ABHD6: variants seen among roughly 807,000 people sequenced by gnomAD.
ABHD6 encodes monoacylglycerol lipase ABHD6.
In ABHD6, 33 loss-of-function variants were observed where a neutral mutation model predicts 38.8. The observed-to-expected ratio is 0.85, with a 90% CI of 0.64 to 1.14. ABHD6 has a LOEUF of 1.14. Ranked by LOEUF, ABHD6 falls within the 50% of genes most tolerant of loss-of-function variation. The pLI is 0.00. For synonymous variants in ABHD6, 147 were observed against 161.6 expected (o/e 0.91, Z 0.69); for missense variants, 380 against 422.6 (o/e 0.90, Z 0.88).
chr3:58,292,939 C>G (rs1329854380), intron 9 of ABHD6, among the ~76,000 whole-genome samples: 1 of 152,164 alleles, frequency 6.6e-6, no homozygotes. Context: ...ATACCCCCAG[C>G]TTGTGATAAT....
In ABHD6 at chr3:58,293,236, C is replaced by G. The variant is rs990414400; in HGVS notation, c.838-353C>G. 5.9e-5 allele frequency among the ~76,000 whole-genome samples: 9 copies of G among 152,178 alleles called. No individual in the cohort carries two copies. The highest frequency in any genetic ancestry group is 8.8e-5 in the Non-Finnish European group (6 of 68,040). ...ATGCTCCTCCCCTGTCCCCTTTCTGCTCTCCCGGGACTCAGGAACGAGGTC... is the reference window on the plus strand; with the variant it reads ...ATGCTCCTCCCCTGTCCCCTTTCTGGTCTCCCGGGACTCAGGAACGAGGTC... On this transcript the variant is annotated intron_variant, in intron 9 of 9. Coordinates refer to ENST00000478253, the MANE Select transcript of ABHD6 (RefSeq NM_001320126.2). The surrounding 1 kb of genome is among the most constrained non-coding windows in gnomAD (Gnocchi z 4.4).
rs1255162518 is a variant in ABHD6, at chr3:58,263,399, A to G, written c.120-3790A>G. Among the ~76,000 whole-genome samples, 1 of 152,124 alleles carries G rather than the reference A, an allele frequency of 6.6e-6. No homozygotes were observed. Among genetic ancestry groups the G allele is most frequent in the African/African-American group, 2.4e-5 (1 of 41,436 alleles). On this transcript the variant is annotated intron_variant, in intron 3 of 9. Coordinates refer to ENST00000478253, the MANE Select transcript of ABHD6 (RefSeq NM_001320126.2). The surrounding 1 kb of genome is among the most constrained non-coding windows in gnomAD (Gnocchi z 4.9). Reference sequence around the variant, plus strand: ...GAGTGAAACTCCATCTCAAAAAAAAAAAAAAAGAAAAAATATTAGTTTTCC... The same window carrying G: ...GAGTGAAACTCCATCTCAAAAAAAAGAAAAAAGAAAAAATATTAGTTTTCC...
intron 6 of ABHD6, among the ~76,000 whole-genome samples, chr3:58,271,766 GTTTT>G (rs3038091): frequency 1.7e-4 from 11 of 63,632 alleles, no homozygotes; most frequent in African/African-American, 7.1e-4. Context: ...CCCTCTCTCT[GTTTT>G]TTTTTTTTTT....
At chr3:58,260,583 A>G (rs1011365708) in intron 3 of ABHD6, among the ~76,000 whole-genome samples, 1 of 152,210 alleles carries the variant, frequency 6.6e-6, no homozygotes, top group Non-Finnish European at 1.5e-5. Context: ...AATGAGCAGC[A>G]TCACCATGAG....
rs145287131 is a variant in ABHD6 at position 58,249,160 on chromosome 3, G to A, written c.-90-718G>A. Among the ~76,000 whole-genome samples, 23 of 152,224 alleles carry A rather than the reference G, an allele frequency of 1.5e-4. No individual in the cohort carries two copies. In the East Asian group the frequency reaches 3.7e-3, roughly 24 times the overall value. Reference sequence around the variant, plus strand: ...TTTATGGTATCTCTTTCCATGTGGAGATTTAAAAACTTTTTTATGCAACTA... The same window carrying A: ...TTTATGGTATCTCTTTCCATGTGGAAATTTAAAAACTTTTTTATGCAACTA... On this transcript the variant is annotated intron_variant, in intron 1 of 9. Coordinates refer to ENST00000478253, the MANE Select transcript of ABHD6 (RefSeq NM_001320126.2).
In ABHD6 at chr3:58,294,260, C is replaced by T. The variant is rs75637466; in HGVS notation, c.*495C>T. 17,250 of 153,058 alleles carry T rather than the reference C, an allele frequency of 0.11. 1,241 individuals are homozygous for T. Among genetic ancestry groups the T allele is most frequent in the African/African-American group, 0.19 (7,936 of 41,478 alleles). The allele number at this position is 153,058 out of a possible 1,614,324, so 9.5% of individuals were successfully genotyped here. A position where few individuals can be genotyped will look rare whatever the true frequency, so the allele number is the denominator to read the frequency against. ...CATAGAGACCCATGTATGACTGCAGCCCATTGGCTGCAAGACCAGGGAGGA... is the reference window on the plus strand; with the variant it reads ...CATAGAGACCCATGTATGACTGCAGTCCATTGGCTGCAAGACCAGGGAGGA... On this transcript the variant is annotated 3_prime_UTR_variant, in exon 10 of 10. Transcript: ENST00000478253.
In ABHD6 at chr3:58,266,291, A is replaced by T. The variant is rs1161556470; in HGVS notation, c.120-898A>T. Among the ~76,000 whole-genome samples, 1 of 152,208 alleles carries T rather than the reference A, an allele frequency of 6.6e-6. No homozygotes were observed. Among genetic ancestry groups the T allele is most frequent in the Non-Finnish European group, 1.5e-5 (1 of 68,040 alleles). On this transcript the variant is annotated intron_variant, in intron 3 of 9. Transcript: ENST00000478253. The surrounding 1 kb of genome is among the most constrained non-coding windows in gnomAD (Gnocchi z 4.0). ...TGGCGAAACCCTGTCTCTACTAAAA[A>T]TACAAAAATTAGGCAGGCATGGTGG...
intron 7 of ABHD6, among the ~76,000 whole-genome samples, chr3:58,279,208 G>A (rs1372175013): frequency 6.6e-6 from 1 of 152,144 alleles, no homozygotes; most frequent in Non-Finnish European, 1.5e-5. Flanking sequence ...GGGTGTTAAA[G>A]TCTCCCATTA....
At position 58,265,210 on chromosome 3, in the gene ABHD6, T is replaced by C. The variant is rs990394304; in HGVS notation, c.120-1979T>C. Among the ~76,000 whole-genome samples the C allele has an allele frequency of 6.6e-6, 1 of 152,224 alleles. No homozygotes were observed. Among genetic ancestry groups the C allele is most frequent in the Non-Finnish European group, 1.5e-5 (1 of 68,034 alleles). Reference sequence around the variant, plus strand: ...ATAATGATCTCCAGTTCCATCCATGTTGGTGCACTATTCATATTTTTAATT... The same window carrying C: ...ATAATGATCTCCAGTTCCATCCATGCTGGTGCACTATTCATATTTTTAATT... On this transcript the variant is annotated intron_variant, in intron 3 of 9. Coordinates refer to ENST00000478253, the MANE Select transcript of ABHD6 (RefSeq NM_001320126.2). This position sits in a 1 kb window ranked among gnomAD's most constrained non-coding sequence, Gnocchi z 4.2.
rs1159597201 is a variant in ABHD6, at chr3:58,269,086, T to C, written c.277-235T>C. Among the ~76,000 whole-genome samples, 1 of 152,214 alleles carries C rather than the reference T, an allele frequency of 6.6e-6. No individual in the cohort carries two copies. The highest frequency in any genetic ancestry group is 1.9e-4 in the East Asian group (1 of 5,196). ...TGCTGCCCCGACTTTGTCCCCTTTTTACAGGCATCTCCTGAGCCTGCTTCC... is the reference window on the plus strand; with the variant it reads ...TGCTGCCCCGACTTTGTCCCCTTTTCACAGGCATCTCCTGAGCCTGCTTCC... On this transcript the variant is annotated intron_variant, in intron 4 of 9. Transcript: ENST00000478253. The surrounding 1 kb of genome is among the most constrained non-coding windows in gnomAD (Gnocchi z 4.4).
intron 7 of ABHD6, among the ~76,000 whole-genome samples, chr3:58,284,219 T>C (rs1481604726): frequency 6.6e-6 from 1 of 152,170 alleles, no homozygotes; most frequent in Non-Finnish European, 1.5e-5. Flanking sequence ...CCACATTGGC[T>C]GCAGCCCTCA....
intron 1 of ABHD6, among the ~76,000 whole-genome samples, chr3:58,239,987 C>CAA (rs542069109): frequency 0.06 from 7,797 of 129,376 alleles, 263 homozygotes; most frequent in Admixed American, 0.071. Flanking sequence ...CCATCTCTAC[C>CAA]AAAAAAAAAA....
chr3:58,290,113 G>A (rs1202503695), intron 9 of ABHD6, among the ~76,000 whole-genome samples: 11 of 119,706 alleles, frequency 9.2e-5, no homozygotes, highest in Non-Finnish European at 1.4e-4. Context: ...CAGTAGGGGC[G>A]GCCGGGCAGA....
intron 7 of ABHD6, among the ~76,000 whole-genome samples, chr3:58,280,475 T>C (rs1462900345): frequency 6.6e-6 from 1 of 152,226 alleles, no homozygotes; most frequent in African/African-American, 2.4e-5. Flanking sequence ...CTGTTTATTC[T>C]AGTTAGCCAT....
rs780384264 is a variant in ABHD6, at chr3:58,271,016, G to T, written c.475G>T (p.Ala159Ser). ...TGGCCAGGTGGCTGGGGTGTATGCT[G>T]CTTACTACCCATCGGATGTCTCCAG... The part of the protein sequence containing the change: ...MGGQVAGVYA[A>S]YYPSDVSSLC... The change falls in exon 6 of 10, where the codon GCT (alanine) becomes TCT (serine). Residue 159 changes from alanine to serine, a missense_variant. Coordinates refer to ENST00000478253, the MANE Select transcript of ABHD6 (RefSeq NM_001320126.2). The T allele has an allele frequency of 2.5e-6, 4 of 1,612,432 alleles. No homozygotes were observed. Among genetic ancestry groups the T allele is most frequent in the Non-Finnish European group, 3.4e-6 (4 of 1,179,564 alleles).
rs1391619939 is a variant in ABHD6, at chr3:58,266,374, G to A, written c.120-815G>A. ...CACAAGAATTGCTTGAACCCGGGAGGTGGAGGTTGCAGTGAGCGGAAATTG... is the reference window on the plus strand; with the variant it reads ...CACAAGAATTGCTTGAACCCGGGAGATGGAGGTTGCAGTGAGCGGAAATTG... On this transcript the variant is annotated intron_variant, in intron 3 of 9. Transcript: ENST00000478253. This position sits in a 1 kb window ranked among gnomAD's most constrained non-coding sequence, Gnocchi z 4.0. 6.6e-6 allele frequency among the ~76,000 whole-genome samples: 1 copy of A among 151,888 alleles called. No individual in the cohort carries two copies. Among genetic ancestry groups the A allele is most frequent in the Non-Finnish European group, 1.5e-5 (1 of 67,992 alleles).
chr3:58,257,871 T>G lies in ABHD6; in HGVS notation c.119+1166T>G, dbSNP rs146441775. 3.8e-4 allele frequency among the ~76,000 whole-genome samples: 58 copies of G among 152,298 alleles called. 1 individual carries two copies. The highest frequency in any genetic ancestry group is 1.4e-3 in the African/African-American group (58 of 41,564). On this transcript the variant is annotated intron_variant, in intron 3 of 9. Transcript: ENST00000478253. The surrounding 1 kb of genome is among the most constrained non-coding windows in gnomAD (Gnocchi z 4.8). ...TCTTGTACCACTGTTATTATTCTTG[T>G]CCTATCTGGATACCACCTGTCCTTT...
chr3:58,271,086 TCC>T, intron 6 of ABHD6, 22 bp downstream of exon 6: 1 of 1,576,254 alleles, frequency 6.3e-7, no homozygotes, highest in Non-Finnish European at 8.6e-7. Flanking sequence ...AGCTGAAACA[TCC>T]CTCGGCAGGG....
At position 58,265,539 on chromosome 3, in the gene ABHD6, A is replaced by T. The variant is rs1559776578; in HGVS notation, c.120-1650A>T. 6.6e-6 allele frequency among the ~76,000 whole-genome samples: 1 copy of T among 152,190 alleles called. No homozygotes were observed. Among genetic ancestry groups the T allele is most frequent in the Admixed American group, 6.5e-5 (1 of 15,270 alleles). On this transcript the variant is annotated intron_variant, in intron 3 of 9. Transcript: ENST00000478253. The surrounding 1 kb of genome is among the most constrained non-coding windows in gnomAD (Gnocchi z 4.2). ...TACCATTTGCTGGGCATTGAACAAA[A>T]CTTTGTACATGGATTACCTCATCAT... is the stretch of plus-strand genomic sequence containing the variant.
Sources: gnomAD v4.1 joint callset for allele counts (sites outside exome capture counted in the v4.1 genomes callset) on GRCh38, gnomAD v4.1.1 for gene constraint, Gnocchi (gnomAD v3.1) non-coding constraint, MANE v1.5 for transcripts, NCBI Gene and HGNC (gene_info 2026-07-23, HGNC 2026-07-21) for gene names.